The following FAR2 variants were observed in gnomAD, a reference collection of about 807,000 sequenced individuals.
The protein encoded by FAR2 is epididymis secretory protein Li 81.
In FAR2, 19 loss-of-function variants were observed where a neutral mutation model predicts 56.0. The observed-to-expected ratio is 0.34, with a 90% CI of 0.24 to 0.50. FAR2 has a LOEUF of 0.50. Among genes scored for constraint, FAR2 ranks in the 20% least tolerant of loss-of-function variants. The pLI, the probability that FAR2 is intolerant of heterozygous loss-of-function variation, is 0.98. For missense variants in FAR2, 508 were observed against 642.2 expected, an observed-to-expected ratio of 0.79 and a Z score of 2.26; for synonymous variants, 219 against 218.8, an observed-to-expected ratio of 1.00 and a Z score of -0.01.
chr12:29,233,325 C>T (rs1189094066), intron 1 of FAR2, among the ~76,000 whole-genome samples: 3 of 152,106 alleles, frequency 2.0e-5, no homozygotes, highest in African/African-American at 4.8e-5. Flanking sequence ...TTTGGATAGA[C>T]TCTGAATCTT....
intron 1 of FAR2, among the ~76,000 whole-genome samples, chr12:29,265,431 A>G (rs1948497874): frequency 6.6e-6 from 1 of 152,216 alleles, no homozygotes; most frequent in African/African-American, 2.4e-5. Flanking sequence ...TGGGGAAAGG[A>G]CAATCTCTTC....
intron 11 of FAR2, chr12:29,332,993 T>C (rs1336555693): frequency 1.0e-5 from 5 of 492,488 alleles, no homozygotes; most frequent in South Asian, 8.7e-5. Context: ...GGTAATTGCA[T>C]AGTAAGTCTA....
chr12:29,303,035 A>G (rs1949202425), intron 4 of FAR2, among the ~76,000 whole-genome samples: 1 of 152,142 alleles, frequency 6.6e-6, no homozygotes, highest in African/African-American at 2.4e-5. Context: ...AATTCTGTTG[A>G]AATTTTACTC....
At chr12:29,204,232 A>AT (rs200768715) in intron 1 of FAR2, among the ~76,000 whole-genome samples, 77 of 150,942 alleles carry the variant, frequency 5.1e-4, no homozygotes, top group African/African-American at 1.7e-3. Flanking sequence ...ATTTTTTCAC[A>AT]TTTTTTTTTC....
At chr12:29,169,313 G>A (rs1239957846) in intron 1 of FAR2, among the ~76,000 whole-genome samples, 1 of 152,228 alleles carries the variant, frequency 6.6e-6, no homozygotes, top group Admixed American at 6.5e-5. Context: ...GAAAGGGTCA[G>A]TGGGTCAGTC....
chr12:29,306,090 T>C (rs1305997956), intron 4 of FAR2, among the ~76,000 whole-genome samples: 1 of 152,074 alleles, frequency 6.6e-6, no homozygotes, highest in African/African-American at 2.4e-5. Flanking sequence ...CTCAGGTCAG[T>C]CAATCCACTG....
rs575661750 is a variant in FAR2 at position 29,332,509 on chromosome 12, G to GTCACTCA, written c.1258-85_1258-84insATCACTC. 6.0e-4 allele frequency: 936 copies of GTCACTCA among 1,554,748 alleles called. 11 individuals carry two copies. In the African/African-American group the frequency reaches 0.012, roughly 20 times the overall value. On this transcript the variant is annotated intron_variant, in intron 10 of 11. Coordinates refer to ENST00000536681, the MANE Select transcript of FAR2 (RefSeq NM_001271783.2). ...CCAACCTATGTCTCCCAAATTGAAG[G>GTCACTCA]TCACTCGTCTATGTAGAAGAAACCT... is the stretch of plus-strand genomic sequence containing the variant.
intron 1 of FAR2, among the ~76,000 whole-genome samples, chr12:29,149,890 G>A (rs954944154): frequency 6.6e-6 from 1 of 152,144 alleles, no homozygotes; most frequent in African/African-American, 2.4e-5. Flanking sequence ...CCCGGTGCCT[G>A]GGACCGCCAG....
chr12:29,166,487 A>T (rs1466176828), intron 1 of FAR2, among the ~76,000 whole-genome samples: 2 of 152,168 alleles, frequency 1.3e-5, no homozygotes, highest in Non-Finnish European at 2.9e-5. Flanking sequence ...GGCAATTTCC[A>T]TAGCTTCTGT....
At chr12:29,233,903 A>G (rs1053763533) in intron 1 of FAR2, among the ~76,000 whole-genome samples, 5 of 152,134 alleles carry the variant, frequency 3.3e-5, no homozygotes, top group African/African-American at 1.2e-4. Flanking sequence ...TGCCCTCCCC[A>G]GTTCAATGAA....
intron 10 of FAR2, among the ~76,000 whole-genome samples, chr12:29,322,309 T>C (rs1210768716): frequency 6.6e-6 from 1 of 152,220 alleles, no homozygotes; most frequent in Non-Finnish European, 1.5e-5. Flanking sequence ...TTTTATTGCT[T>C]ATAAACTCAA....
chr12:29,325,067 A>C (rs1477152953), intron 10 of FAR2, among the ~76,000 whole-genome samples: 1 of 152,152 alleles, frequency 6.6e-6, no homozygotes, highest in Non-Finnish European at 1.5e-5. Context: ...CTACCAAGCA[A>C]ATGGAAAACA....
intron 10 of FAR2, among the ~76,000 whole-genome samples, chr12:29,328,288 C>G (rs904621051): frequency 1.6e-4 from 24 of 152,274 alleles, no homozygotes; most frequent in Admixed American, 1.5e-3. Context: ...GAAATAGGAA[C>G]ACTTTTACAC....
At chr12:29,297,222 A>T in intron 4 of FAR2, 22 bp downstream of exon 4, 1 of 1,597,566 alleles carries the variant, frequency 6.3e-7, no homozygotes. Context: ...TAATAAAAGG[A>T]TCAAGGGGCG....
intron 1 of FAR2, among the ~76,000 whole-genome samples, chr12:29,240,815 A>AT (rs1019715359): frequency 1.4e-5 from 2 of 144,802 alleles, no homozygotes; most frequent in Non-Finnish European, 3.0e-5. Context: ...TTTTTTATAT[A>AT]TTTTTTTTGA....
At chr12:29,184,149 G>C (rs1346347187) in intron 1 of FAR2, among the ~76,000 whole-genome samples, 1 of 152,152 alleles carries the variant, frequency 6.6e-6, no homozygotes, top group East Asian at 1.9e-4. Context: ...GAAAATTTCT[G>C]AGAGGCTGAT....
chr12:29,269,078 T>G (rs939915850), intron 1 of FAR2, among the ~76,000 whole-genome samples: 3 of 152,124 alleles, frequency 2.0e-5, no homozygotes, highest in Admixed American at 6.5e-5. Flanking sequence ...AGACAGGATT[T>G]TGACAGCAAC....
chr12:29,155,798 C>G (rs369122680), intron 1 of FAR2, among the ~76,000 whole-genome samples: 13 of 152,242 alleles, frequency 8.5e-5, no homozygotes, highest in African/African-American at 3.1e-4. Context: ...ATATATTTAC[C>G]TTGTGGTCCT....
At chr12:29,167,739 T>G (rs976616979) in intron 1 of FAR2, among the ~76,000 whole-genome samples, 4 of 152,236 alleles carry the variant, frequency 2.6e-5, no homozygotes, top group Non-Finnish European at 5.9e-5. Flanking sequence ...AGTTCAAGAA[T>G]TATCCTGACA....
Sources: allele counts gnomAD v4.1 joint callset (sites outside exome capture counted in the v4.1 genomes callset), GRCh38; gene constraint gnomAD v4.1.1; transcripts MANE v1.5; gene names NCBI Gene and HGNC (gene_info 2026-07-23, HGNC 2026-07-21).